TRAPPC13: variants seen among roughly 807,000 people sequenced by gnomAD.
TRAPPC13 encodes REV7-interacting novel NHEJ regulator 1.
A neutral mutation model predicts 54.0 loss-of-function variants in TRAPPC13; 39 were observed. The observed-to-expected ratio is 0.72, with a 90% CI of 0.56 to 0.94. The LOEUF (loss-of-function observed/expected upper bound fraction) is 0.94, where lower values mean the gene tolerates loss of function less well. Ranked by LOEUF, TRAPPC13 falls within the 40% of genes least tolerant of loss-of-function variation. The probability of loss-of-function intolerance (pLI) is 0.00; values close to 1 mark genes in which losing one functional copy is unlikely to be tolerated. For synonymous variants in TRAPPC13, 148 were observed against 167.7 expected (o/e 0.88, Z 0.91); for missense variants, 386 against 488.1 (o/e 0.79, Z 1.97).
chr5:65,625,698 G>GA (rs1468355500), intron 1 of TRAPPC13, among the ~76,000 whole-genome samples: 1 of 151,956 alleles, frequency 6.6e-6, no homozygotes, highest in African/African-American at 2.4e-5. Flanking sequence ...CATTATTTAG[G>GA]AAAAAACAGC....
chr5:65,662,149 A>T lies in TRAPPC13; in HGVS notation c.997A>T (p.Ser333Cys). ...FHITCKITNC[S>C]ERTMDLVLEM... ...TATTACCTGTAAAATAACAAACTGC[A>T]GGTAATGCCACTGTTTGTAGATGGA... is the stretch of plus-strand genomic sequence containing the variant. Residue 333 changes from serine to cysteine, a missense_variant and splice_region_variant, in exon 11 of 13, where the codon AGT becomes TGT. Coordinates refer to ENST00000399438, the MANE Select transcript of TRAPPC13 (RefSeq NM_024941.4). 6.3e-7 allele frequency: 1 copy of T among 1,596,390 alleles called. No homozygotes were observed. Among genetic ancestry groups the T allele is most frequent in the Non-Finnish European group, 8.5e-7 (1 of 1,170,156 alleles).
intron 1 of TRAPPC13, chr5:65,630,854 G>A (rs887201581): frequency 2.0e-5 from 4 of 201,996 alleles, no homozygotes; most frequent in Non-Finnish European, 3.5e-5. Context: ...AAACGATAAT[G>A]TATCCTGTTT....
chr5:65,645,248 T>C (rs187104), intron 4 of TRAPPC13, among the ~76,000 whole-genome samples: 2 of 151,942 alleles, frequency 1.3e-5, no homozygotes, highest in African/African-American at 4.8e-5. Flanking sequence ...ACTTATGAAT[T>C]GTATAACCTT....
At chr5:65,637,342 G>T (rs942836275) in intron 3 of TRAPPC13, among the ~76,000 whole-genome samples, 3 of 152,178 alleles carry the variant, frequency 2.0e-5, no homozygotes, top group African/African-American at 7.2e-5. Context: ...ATTATTTAAT[G>T]TAAAACCTGA....
At chr5:65,638,138 A>G (rs867860703) in intron 4 of TRAPPC13, among the ~76,000 whole-genome samples, 4,775 of 149,792 alleles carry the variant, frequency 0.032, 263 homozygotes, top group African/African-American at 0.11. Context: ...AAAAAAAAAG[A>G]AAAAAAGGTT....
At chr5:65,658,577 T>C in intron 9 of TRAPPC13, 76 bp downstream of exon 9, 3 of 1,294,618 alleles carry the variant, frequency 2.3e-6, no homozygotes, top group Non-Finnish European at 3.0e-6. Flanking sequence ...TGCTCTTCAG[T>C]GGGTTTTTTT....
rs774317847 is a variant in TRAPPC13 at position 65,658,428 on chromosome 5, G to A, written c.625G>A (p.Glu209Lys). The A allele has an allele frequency of 2.5e-6, 4 of 1,595,728 alleles. No individual in the cohort carries two copies. The Admixed American group carries it at 6.9e-5, about 28-fold the overall frequency. The change falls in exon 9 of 13, where the codon GAG becomes AAG. Residue 209 changes from glutamate (E) to lysine (K), a missense_variant. Physicochemically the swap from Glu to Lys is moderately conservative, Grantham distance 56 (BLOSUM62 1). Transcript: ENST00000399438. ...QNMTTSPMFM[E>K]KVSLEPSIMY... is the part of the protein sequence containing the mutation. ...TATGACAACCTCACCTATGTTTATG[G>A]AGAAGGTTTCACTGGAGCCATCTAT...
At chr5:65,636,298 G>A (rs746557552) in intron 3 of TRAPPC13, among the ~76,000 whole-genome samples, 19 of 151,592 alleles carry the variant, frequency 1.3e-4, no homozygotes, top group African/African-American at 1.7e-4. Context: ...CGTGCGCACC[G>A]CTCTGGCTAA....
chr5:65,638,243 G>A (rs1755836771), intron 4 of TRAPPC13, among the ~76,000 whole-genome samples: 1 of 152,158 alleles, frequency 6.6e-6, no homozygotes, highest in South Asian at 2.1e-4. Context: ...AATGCCTACA[G>A]TTATAAAGTA....
chr5:65,646,207 G>A (rs1756200917), intron 4 of TRAPPC13, among the ~76,000 whole-genome samples: 1 of 151,090 alleles, frequency 6.6e-6, no homozygotes, highest in Admixed American at 6.6e-5. Context: ...TTAAGACAGA[G>A]TGATAAATGT....
intron 11 of TRAPPC13, chr5:65,663,545 G>C (rs1321503043): frequency 6.6e-6 from 1 of 152,128 alleles, no homozygotes; most frequent in East Asian, 1.9e-4. Flanking sequence ...AAAATTTGGA[G>C]CCAAGTATAA....
chr5:65,650,363 T>C (rs969541085), intron 5 of TRAPPC13, among the ~76,000 whole-genome samples: 3 of 151,864 alleles, frequency 2.0e-5, no homozygotes, highest in Admixed American at 6.6e-5. Context: ...GGTTTCACCA[T>C]GTTTGCCAGG....
intron 1 of TRAPPC13, among the ~76,000 whole-genome samples, chr5:65,631,381 CTTTTA>C (rs1755537783): frequency 6.6e-6 from 1 of 152,058 alleles, no homozygotes; most frequent in South Asian, 2.1e-4. Context: ...TTCTTTCTAA[CTTTTA>C]TTTTAGGTTC....
Position 65,655,674 on chromosome 5 carries a change from A to G in TRAPPC13, c.564+21A>G, listed in dbSNP as rs928083702. 4.8e-6 allele frequency: 4 copies of G among 831,406 alleles called. No individual in the cohort carries two copies. The African/African-American group carries it at 5.3e-5, about 11-fold the overall frequency. 51.5% of individuals were successfully genotyped at this position (831,406 alleles called of 1,614,324 possible). A position where few individuals can be genotyped will look rare whatever the true frequency, so the allele number is the denominator to read the frequency against. On this transcript the variant is annotated intron_variant, in intron 8 of 12. Coordinates refer to ENST00000399438, the MANE Select transcript of TRAPPC13 (RefSeq NM_024941.4). ...CTGTGGTAATTTGATTTTTTATTATAAATTTTTATACTTTTCTTACTCACC... is the reference window on the plus strand; with the variant it reads ...CTGTGGTAATTTGATTTTTTATTATGAATTTTTATACTTTTCTTACTCACC...
At chr5:65,649,851 A>G (rs1581224645) in intron 5 of TRAPPC13, among the ~76,000 whole-genome samples, 1 of 137,692 alleles carries the variant, frequency 7.3e-6, no homozygotes, top group Non-Finnish European at 1.5e-5. Flanking sequence ...TAAGAAATCT[A>G]TCTGTATTTT....
intron 4 of TRAPPC13, among the ~76,000 whole-genome samples, chr5:65,644,867 C>T (rs1186143722): frequency 4.3e-5 from 6 of 138,614 alleles, no homozygotes; most frequent in East Asian, 4.3e-4. Flanking sequence ...GGTGACAGAG[C>T]GAGACTCCGT....
At chr5:65,651,492 A>C (rs6869657) in intron 6 of TRAPPC13, among the ~76,000 whole-genome samples, 23 of 152,252 alleles carry the variant, frequency 1.5e-4, no homozygotes, top group African/African-American at 5.5e-4. Context: ...AAATTTCTAA[A>C]GAAATTTAAA....
rs1295229254 is a variant in TRAPPC13, at chr5:65,664,647, C to T, written c.*36C>T. ...CAATGTTAGGCTTTTCATTTAGTTT[C>T]ACAGAACTGCTCTTTTTGTTACCTT... is the stretch of plus-strand genomic sequence containing the variant. On this transcript the variant is annotated 3_prime_UTR_variant, in exon 13 of 13. Coordinates refer to ENST00000399438, the MANE Select transcript of TRAPPC13 (RefSeq NM_024941.4). 1 of 1,453,724 alleles carries T rather than the reference C, an allele frequency of 6.9e-7. No homozygotes were observed. Among genetic ancestry groups the T allele is most frequent in the Non-Finnish European group, 9.6e-7 (1 of 1,042,932 alleles). 90.1% of individuals were successfully genotyped at this position (1,453,724 alleles called of 1,614,324 possible).
chr5:65,646,917 A>T, intron 4 of TRAPPC13, 138 bp from the exon 5 acceptor site: 1 of 783,120 alleles, frequency 1.3e-6, no homozygotes, highest in Non-Finnish European at 2.0e-6. Context: ...AGAAAGGTTT[A>T]CACATAAAAG....
Sources: allele counts gnomAD v4.1 joint callset (sites outside exome capture counted in the v4.1 genomes callset), GRCh38; gene constraint gnomAD v4.1.1; transcripts MANE v1.5; gene names NCBI Gene and HGNC (gene_info 2026-07-23, HGNC 2026-07-21).